Variants in RPS6KA2 observed in about 807,000 individuals in gnomAD.
RPS6KA2 encodes the protein ribosomal protein S6 kinase alpha-2.
A neutral mutation model predicts 91.8 loss-of-function variants in RPS6KA2; 42 were observed. The ratio of observed to expected loss-of-function variants is 0.46; its 90% CI spans 0.36 to 0.59. The LOEUF is 0.59. Ranked by LOEUF, RPS6KA2 falls within the 20% of genes least tolerant of loss-of-function variation. RPS6KA2 has a pLI of 0.00. For synonymous variants in RPS6KA2, 414 were observed against 393.6 expected (o/e 1.05, Z -0.61); for missense variants, 798 against 978.5 (o/e 0.82, Z 2.46).
intron 16 of RPS6KA2, among the ~76,000 whole-genome samples, chr6:166,427,557 T>C (rs1317103376): frequency 3.3e-5 from 5 of 152,206 alleles, no homozygotes; most frequent in Admixed American, 6.5e-5. Context: ...AAAACCCCAC[T>C]GTCTCAGCCC....
At chr6:166,655,069 G>A (rs561335565) in intron 2 of RPS6KA2, among the ~76,000 whole-genome samples, 84 of 152,126 alleles carry the variant, frequency 5.5e-4, no homozygotes, top group Non-Finnish European at 1.0e-3. Context: ...ACAACCCACC[G>A]CAACCCCAAA....
At chr6:166,450,652 G>T (rs1032332595) in intron 13 of RPS6KA2, among the ~76,000 whole-genome samples, 5 of 135,606 alleles carry the variant, frequency 3.7e-5, no homozygotes, top group Admixed American at 3.6e-4. Flanking sequence ...GGACCACCCT[G>T]GGAGACCACC....
At chr6:166,813,428 T>C (rs9295372) in intron 2 of RPS6KA2, among the ~76,000 whole-genome samples, 20,434 of 152,286 alleles carry the variant, frequency 0.13, 1,740 homozygotes, top group Middle Eastern at 0.19. Flanking sequence ...CTACATTTTA[T>C]GATTTGTTTT....
rs188194358 is a variant in RPS6KA2 at position 166,450,481 on chromosome 6, G to A, written c.1206+622C>T. ...AGGACCACCATGGCTACCACCCCAGGGACCACCCTGGGAGACCACCATGGG... is the reference window on the plus strand; with the variant it reads ...AGGACCACCATGGCTACCACCCCAGAGACCACCCTGGGAGACCACCATGGG... On this transcript the variant is annotated intron_variant, in intron 13 of 20. Transcript: ENST00000265678. Among the ~76,000 whole-genome samples the A allele has an allele frequency of 1.8e-3, 270 of 149,294 alleles. 2 individuals carry two copies. The highest frequency in any genetic ancestry group is 1.8e-3 in the Non-Finnish European group (120 of 67,158).
At chr6:166,785,942 GATA>G (rs1778918351) in intron 2 of RPS6KA2, among the ~76,000 whole-genome samples, 1 of 152,140 alleles carries the variant, frequency 6.6e-6, no homozygotes, top group South Asian at 2.1e-4. Context: ...AAAAATAGCA[GATA>G]ATAATCAATT....
At chr6:166,466,815 TTCACTCACTCCCTCAC>T (rs1448103799) in intron 11 of RPS6KA2, among the ~76,000 whole-genome samples, 13 of 151,932 alleles carry the variant, frequency 8.6e-5, no homozygotes, top group African/African-American at 3.1e-4. Context: ...CACTCCCTCA[TTCACTCACTCCCTCAC>T]TCACTCATTC....
chr6:166,665,758 G>A lies in RPS6KA2; in HGVS notation c.124-126974C>T, dbSNP rs1035192137. On this transcript the variant is annotated intron_variant, in intron 2 of 21. Transcript: ENST00000503859. This position sits in a 1 kb window ranked among gnomAD's most constrained non-coding sequence, Gnocchi z 4.5. ...ACTTGCAGAGCTTGTTCTGAACCTC[G>A]TTTTGGGGAGAAACTTGGTTGTTCA... Among the ~76,000 whole-genome samples, 4 of 152,128 alleles carry A rather than the reference G, an allele frequency of 2.6e-5. No homozygotes were observed. The highest frequency in any genetic ancestry group is 2.1e-4 in the South Asian group (1 of 4,816).
At position 166,435,157 on chromosome 6, in the gene RPS6KA2, A is replaced by T. The variant is rs1314986780; in HGVS notation, c.1333-2667T>A. ...ATTATTTTAAAGAATCTGGGACTAC[A>T]GATGGCTGCCCTCTCAACCCTAGTA... On this transcript the variant is annotated intron_variant, in intron 14 of 20. Coordinates refer to ENST00000265678, the MANE Select transcript of RPS6KA2 (RefSeq NM_021135.6). The surrounding 1 kb of genome is among the most constrained non-coding windows in gnomAD (Gnocchi z 4.3). Among the ~76,000 whole-genome samples the T allele has an allele frequency of 6.6e-6, 1 of 152,252 alleles. No homozygotes were observed. The highest frequency in any genetic ancestry group is 1.5e-5 in the Non-Finnish European group (1 of 68,046).
At chr6:166,699,065 G>C (rs1369702428) in intron 2 of RPS6KA2, among the ~76,000 whole-genome samples, 2 of 152,188 alleles carry the variant, frequency 1.3e-5, no homozygotes, top group Admixed American at 6.5e-5. Flanking sequence ...GGATTCCAGC[G>C]ACCCCTATGA....
At chr6:166,479,282 A>G (rs1781098320) in intron 10 of RPS6KA2, among the ~76,000 whole-genome samples, 1 of 136,998 alleles carries the variant, frequency 7.3e-6, no homozygotes, top group Non-Finnish European at 1.5e-5. Context: ...CACGGGCCAG[A>G]CTGCCCATTA....
chr6:166,691,367 T>G (rs535850046), intron 2 of RPS6KA2, among the ~76,000 whole-genome samples: 17 of 152,066 alleles, frequency 1.1e-4, no homozygotes, highest in Non-Finnish European at 2.1e-4. Context: ...CTCTCTCCAC[T>G]CCAGTCCAGC....
intron 1 of RPS6KA2, among the ~76,000 whole-genome samples, chr6:166,569,526 G>A (rs530601066): frequency 6.6e-6 from 1 of 151,602 alleles, no homozygotes; most frequent in Non-Finnish European, 1.5e-5. Flanking sequence ...TGCTGGGGCC[G>A]CCCTGGAAAT....
At chr6:166,629,985 G>A (rs978372027), upstream of RPS6KA2, among the ~76,000 whole-genome samples, 6 of 152,154 alleles carry the variant, frequency 3.9e-5, no homozygotes, top group African/African-American at 1.4e-4. Context: ...AGCTCATGCC[G>A]TTTTTATGTA....
chr6:166,598,810 G>A (rs1240695464), intron 1 of RPS6KA2, among the ~76,000 whole-genome samples: 2 of 152,190 alleles, frequency 1.3e-5, no homozygotes, highest in Non-Finnish European at 2.9e-5. Flanking sequence ...ACACAGCACC[G>A]CTCTTTCCTA....
rs1787443217 is a variant in RPS6KA2 at position 166,641,739 on chromosome 6, A to C, written c.124-102955T>G. On this transcript the variant is annotated intron_variant, in intron 2 of 21. Coordinates refer to the RPS6KA2 transcript ENST00000503859. ...TGTCACAAAAAAAAAAAAAAAAAAA[A>C]AAAAAAAAAAAAAAAAAAAAAAAAA... 2.4e-5 allele frequency among the ~76,000 whole-genome samples: 3 copies of C among 124,068 alleles called. 1 individual carries two copies. Among genetic ancestry groups the C allele is most frequent in the African/African-American group, 7.5e-5 (2 of 26,734 alleles). The allele number at this position is 124,068 out of a possible 152,430, so 81.4% of individuals were successfully genotyped here.
chr6:166,542,696 C>T (rs751897619), intron 1 of RPS6KA2, among the ~76,000 whole-genome samples: 78 of 152,256 alleles, frequency 5.1e-4, no homozygotes, highest in South Asian at 2.3e-3. Flanking sequence ...CTGCTGGGAG[C>T]GGCTGGGAAG....
intron 2 of RPS6KA2, among the ~76,000 whole-genome samples, chr6:166,647,402 G>A (rs1326511149): frequency 2.0e-5 from 3 of 152,286 alleles, no homozygotes; most frequent in Admixed American, 6.5e-5. Context: ...CTCTGCTGGT[G>A]GGGATGTGGG....
At chr6:166,679,374 G>T (rs1037759577) in intron 2 of RPS6KA2, among the ~76,000 whole-genome samples, 2 of 152,066 alleles carry the variant, frequency 1.3e-5, no homozygotes, top group African/African-American at 4.8e-5. Flanking sequence ...TGAGGCAGAA[G>T]AATCACTTGA....
chr6:166,691,368 C>G (rs1048198253), intron 2 of RPS6KA2, among the ~76,000 whole-genome samples: 3 of 152,304 alleles, frequency 2.0e-5, no homozygotes, highest in African/African-American at 7.2e-5. Flanking sequence ...TCTCTCCACT[C>G]CAGTCCAGCC....
Sources: gnomAD v4.1 joint callset for allele counts (sites outside exome capture counted in the v4.1 genomes callset) on GRCh38, gnomAD v4.1.1 for gene constraint, Gnocchi (gnomAD v3.1) non-coding constraint, MANE v1.5 for transcripts, NCBI Gene and HGNC (gene_info 2026-07-23, HGNC 2026-07-21) for gene names.